The following USP54 variants were observed in gnomAD, a reference collection of about 807,000 sequenced individuals.
USP54 encodes ubiquitin carboxyl-terminal hydrolase 54.
Under a neutral mutation model 170.5 loss-of-function variants are expected in USP54, and 87 were observed. The observed-to-expected ratio is 0.51, with a 90% CI of 0.43 to 0.61. The LOEUF (loss-of-function observed/expected upper bound fraction) is 0.61, where lower values mean the gene tolerates loss of function less well. Ranked by LOEUF, USP54 falls within the 20% of genes least tolerant of loss-of-function variation. USP54 has a pLI of 0.00. For synonymous variants in USP54, 655 were observed against 742.8 expected (o/e 0.88, Z 1.92); for missense variants, 1,786 against 2,047.8 (o/e 0.87, Z 2.47).
chr10:73,513,109 A>G (rs1387855422), intron 20 of USP54: 2 of 152,196 alleles, frequency 1.3e-5, no homozygotes, highest in African/African-American at 4.8e-5. Context: ...GAGAAACGTG[A>G]CCACTTAAGT....
At chr10:73,604,665 A>G (rs2079478855) in intron 1 of USP54, among the ~76,000 whole-genome samples, 1 of 148,912 alleles carries the variant, frequency 6.7e-6, no homozygotes, top group Non-Finnish European at 1.5e-5. Context: ...ATCTTGGCTC[A>G]CTGCAAGCTC....
intron 17 of USP54, among the ~76,000 whole-genome samples, chr10:73,521,333 A>G (rs372106418): frequency 1.3e-5 from 2 of 152,314 alleles, no homozygotes; most frequent in African/African-American, 4.8e-5. Flanking sequence ...CGCGGTACTT[A>G]TATGACAGTG....
At chr10:73,603,540 C>A (rs1294540988) in intron 1 of USP54, among the ~76,000 whole-genome samples, 2 of 152,030 alleles carry the variant, frequency 1.3e-5, no homozygotes, top group Non-Finnish European at 2.9e-5. Context: ...CATGGCGAAA[C>A]CCCATCTCTA....
chr10:73,617,434 C>G (rs534141242), intron 1 of USP54, among the ~76,000 whole-genome samples: 1 of 147,766 alleles, frequency 6.8e-6, no homozygotes, highest in East Asian at 2.0e-4. Flanking sequence ...CCAGCCTGGG[C>G]AACAGAGAGA....
chr10:73,517,504 T>C lies in USP54; in HGVS notation c.2922A>G (p.Leu974=). The change falls in exon 20 of 24, where the codon TTA becomes TTG. Residue 974 remains leucine (L), a synonymous_variant. Coordinates refer to ENST00000687698, the MANE Select transcript of USP54 (RefSeq NM_001391956.1). The stretch of plus-strand genomic sequence containing the variant: ...TCTCAGTCCACCCTGGTGCTTTAGG[T>C]AAACCTTGCCTGTGGAATGCAGAGG... The part of the protein sequence containing the change: ...IEPSAFHRQG[L]PKAPGWTEKN... The C allele has an allele frequency of 6.2e-7, 1 of 1,614,232 alleles. No homozygotes were observed. The highest frequency in any genetic ancestry group is 8.5e-7 in the Non-Finnish European group (1 of 1,180,050).
Position 73,545,039 on chromosome 10 carries a change from A to G in USP54, c.375+499T>C, listed in dbSNP as rs534923803. Among the ~76,000 whole-genome samples, 30 of 152,212 alleles carry G rather than the reference A, an allele frequency of 2.0e-4. No homozygotes were observed. The South Asian group carries it at 5.2e-3, about 26-fold the overall frequency. ...AAATTTTCTAAATGGATTTACAGAG[A>G]GTCTTTCGAAGGTTGATGTATAGAA... On this transcript the variant is annotated intron_variant, in intron 5 of 23. Coordinates refer to ENST00000687698, the MANE Select transcript of USP54 (RefSeq NM_001391956.1).
At chr10:73,533,896 C>A (rs937615499) in intron 12 of USP54, among the ~76,000 whole-genome samples, 1 of 152,230 alleles carries the variant, frequency 6.6e-6, no homozygotes, top group Non-Finnish European at 1.5e-5. Context: ...AAATAGGCCC[C>A]TTCTATCAAA....
chr10:73,600,796 C>A (rs1249582935), intron 1 of USP54, among the ~76,000 whole-genome samples: 1 of 152,168 alleles, frequency 6.6e-6, no homozygotes, highest in African/African-American at 2.4e-5. Context: ...CACCTGTAAT[C>A]CCAGCTACTC....
intron 15 of USP54, 37 bp downstream of exon 15, chr10:73,529,643 C>T: frequency 1.2e-6 from 2 of 1,613,176 alleles, no homozygotes; most frequent in Non-Finnish European, 1.7e-6. Context: ...CACATTGCTG[C>T]AAGAGACAAT....
chr10:73,572,183 G>A (rs2075322019), intron 3 of USP54, among the ~76,000 whole-genome samples: 2 of 152,056 alleles, frequency 1.3e-5, no homozygotes, highest in Admixed American at 1.3e-4. Context: ...GGGGAAGGGG[G>A]ATATCCAAAA....
Position 73,500,822 on chromosome 10 carries a change from C to T in USP54, c.4328G>A (p.Arg1443Lys). The T allele has an allele frequency of 6.2e-7, 1 of 1,600,950 alleles. No individual in the cohort carries two copies. The highest frequency in any genetic ancestry group is 8.5e-7 in the Non-Finnish European group (1 of 1,175,494). ...SSHSFDSSNV[R>K]KPLETGHRCS... Reference sequence around the variant, plus strand: ...ACGGTGCCCGGTTTCCAAAGGCTTCCTCACGTTTGATGAATCCTTATAATG... The same window carrying T: ...ACGGTGCCCGGTTTCCAAAGGCTTCTTCACGTTTGATGAATCCTTATAATG... The change falls in exon 23 of 24, where the codon AGG (arginine) becomes AAG (lysine). Residue 1443 changes from arginine (R) to lysine (K), a missense_variant. Coordinates refer to ENST00000687698, the MANE Select transcript of USP54 (RefSeq NM_001391956.1).
At chr10:73,577,494 C>T (rs765337074) in intron 1 of USP54, among the ~76,000 whole-genome samples, 28 of 152,062 alleles carry the variant, frequency 1.8e-4, no homozygotes, top group East Asian at 9.7e-4. Flanking sequence ...TGTTTTATAT[C>T]GTATCCGTCA....
intron 1 of USP54, among the ~76,000 whole-genome samples, chr10:73,600,482 A>C (rs529818345): frequency 6.6e-6 from 1 of 152,224 alleles, no homozygotes; most frequent in Non-Finnish European, 1.5e-5. Flanking sequence ...GGTAAATGGT[A>C]CATCAGGTCA....
At chr10:73,527,246 T>A (rs1334595157) in intron 15 of USP54, among the ~76,000 whole-genome samples, 4 of 152,140 alleles carry the variant, frequency 2.6e-5, no homozygotes, top group Non-Finnish European at 5.9e-5. Flanking sequence ...ATGCCTGTAA[T>A]CCCAGCACTT....
At chr10:73,604,673 C>T (rs539606026) in intron 1 of USP54, among the ~76,000 whole-genome samples, 1 of 150,984 alleles carries the variant, frequency 6.6e-6, no homozygotes, top group East Asian at 2.0e-4. Context: ...TCACTGCAAG[C>T]TCCGCCTCCC....
rs549791630 is a variant in USP54 at position 73,541,893 on chromosome 10, A to G, written c.573-155T>C. The stretch of plus-strand genomic sequence containing the variant: ...GGCTCAGTGTCCCATAAACACAGTA[A>G]GTACCTCTACCTGTCCCCAGATCCA... On this transcript the variant is annotated intron_variant, in intron 7 of 23. Transcript: ENST00000687698. 7 of 668,378 alleles carry G rather than the reference A, an allele frequency of 1.0e-5. No individual in the cohort carries two copies. The Admixed American group carries it at 1.8e-4, about 17-fold the overall frequency. 41.4% of individuals were successfully genotyped at this position (668,378 alleles called of 1,614,324 possible). A position where few individuals can be genotyped will look rare whatever the true frequency, so the allele number is the denominator to read the frequency against.
At chr10:73,574,795 G>A (rs1223465451) in intron 3 of USP54, among the ~76,000 whole-genome samples, 9 of 150,654 alleles carry the variant, frequency 6.0e-5, no homozygotes, top group African/African-American at 2.2e-4. Context: ...GGAGGTCAAG[G>A]CTGCAGGAGC....
intron 4 of USP54, among the ~76,000 whole-genome samples, chr10:73,555,999 G>A (rs1382088141): frequency 3.3e-5 from 5 of 152,164 alleles, no homozygotes; most frequent in Admixed American, 3.3e-4. Context: ...ACCAGTCACA[G>A]TCTAATAGGA....
At chr10:73,552,581 A>C (rs1397418370) in intron 4 of USP54, among the ~76,000 whole-genome samples, 1 of 152,174 alleles carries the variant, frequency 6.6e-6, no homozygotes. Flanking sequence ...ACCTAAGGTC[A>C]GGAATTCGAG....
Sources: allele counts gnomAD v4.1 joint callset (sites outside exome capture counted in the v4.1 genomes callset), GRCh38; gene constraint gnomAD v4.1.1; transcripts MANE v1.5; gene names NCBI Gene and HGNC (gene_info 2026-07-23, HGNC 2026-07-21).